Variants in DNAJC16 observed in about 807,000 individuals in gnomAD.
The protein encoded by DNAJC16 is dnaJ homolog subfamily C member 16.
A neutral mutation model predicts 92.7 loss-of-function variants in DNAJC16; 76 were observed. The observed-to-expected ratio is 0.82, with a 90% CI of 0.68 to 0.99. DNAJC16 has a LOEUF of 0.99. DNAJC16 is among the 50% of genes least tolerant of loss of function. The pLI is 0.00. For synonymous variants in DNAJC16, 328 were observed against 358.7 expected, an observed-to-expected ratio of 0.91 and a Z score of 0.97; for missense variants, 869 against 942.4, an observed-to-expected ratio of 0.92 and a Z score of 1.02.
At chr1:15,567,745 T>C (rs201779942) in intron 14 of DNAJC16, 33 bp from the exon 15 acceptor site, 31 of 1,579,626 alleles carry the variant, frequency 2.0e-5, no homozygotes, top group Non-Finnish European at 2.7e-5. Flanking sequence ...TGTCAGGAAA[T>C]GCCCTGAGTC....
chr1:15,528,161 G>A (rs946416384), intron 1 of DNAJC16, among the ~76,000 whole-genome samples: 1 of 152,200 alleles, frequency 6.6e-6, no homozygotes, highest in Admixed American at 6.5e-5. Context: ...TGGCCGGCGC[G>A]ATGGCTCACG....
rs371597930 is a variant in DNAJC16, at chr1:15,536,578, G to A, written c.338G>A (p.Arg113His). ...KQQQQREYRF[R>H]HFHENFYFDE... ...CAACAGCAGCGAGAGTATCGCTTCC[G>A]CCATTTCCATGAAAATTTTTATTTT... The change falls in exon 4 of 15, where the codon CGC (arginine) becomes CAC (histidine). Residue 113 changes from arginine (R) to histidine (H), a missense_variant. By Grantham distance (29) the Arg-to-His change is conservative (BLOSUM62 0). Coordinates refer to ENST00000375847, the MANE Select transcript of DNAJC16 (RefSeq NM_015291.4). The A allele has an allele frequency of 1.8e-5, 29 of 1,614,012 alleles. No homozygotes were observed. Among genetic ancestry groups the A allele is most frequent in the African/African-American group, 6.7e-5 (5 of 74,894 alleles).
At chr1:15,531,421 G>A (rs905666647) in intron 2 of DNAJC16, among the ~76,000 whole-genome samples, 1 of 152,180 alleles carries the variant, frequency 6.6e-6, no homozygotes, top group Non-Finnish European at 1.5e-5. Context: ...TCCTTCCAGG[G>A]ACTCTTTATA....
At chr1:15,535,149 CAAAGT>C (rs142620119) in intron 3 of DNAJC16, among the ~76,000 whole-genome samples, 1,738 of 152,240 alleles carry the variant, frequency 0.011, 37 homozygotes, top group African/African-American at 0.039. Flanking sequence ...TTTTGTAAAA[CAAAGT>C]AAATTAACAG....
intron 8 of DNAJC16, chr1:15,560,115 T>TA (rs1214190938): frequency 1.3e-5 from 2 of 151,200 alleles, no homozygotes; most frequent in Non-Finnish European, 2.9e-5. Context: ...GTAATCATAC[T>TA]AATATGATGT....
At chr1:15,538,443 C>T (rs898670720) in intron 4 of DNAJC16, among the ~76,000 whole-genome samples, 12 of 151,848 alleles carry the variant, frequency 7.9e-5, no homozygotes, top group Non-Finnish European at 1.3e-4. Context: ...CCTGGCCAGG[C>T]GCAGTGGCTC....
At chr1:15,544,365 A>G in intron 4 of DNAJC16, 34 bp from the exon 5 acceptor site, 1 of 1,579,938 alleles carries the variant, frequency 6.3e-7, no homozygotes, top group East Asian at 2.3e-5. Context: ...TGGAGACATA[A>G]AAAGGCTTCA....
Position 15,571,490 on chromosome 1 carries a change from A to C in DNAJC16, c.*3313A>C, listed in dbSNP as rs1315848033. ...ACAAGTGCAGTGTGGCAGCTGCTGA[A>C]TCTGTCTGTTCAGTTTGTCAAGGAG... On this transcript the variant is annotated 3_prime_UTR_variant, in exon 15 of 15. Transcript: ENST00000375847. 6.6e-6 allele frequency: 1 copy of C among 152,644 alleles called. No individual in the cohort carries two copies. The highest frequency in any genetic ancestry group is 1.5e-5 in the Non-Finnish European group (1 of 68,034). 9.5% of individuals were successfully genotyped at this position (152,644 alleles called of 1,614,324 possible). A position where few individuals can be genotyped will look rare whatever the true frequency, so the allele number is the denominator to read the frequency against.
At chr1:15,553,176 A>G (rs753562050) in intron 7 of DNAJC16, among the ~76,000 whole-genome samples, 19 of 150,574 alleles carry the variant, frequency 1.3e-4, no homozygotes, top group Admixed American at 3.3e-4. Flanking sequence ...TTTTTTTCTC[A>G]TAGTCTTTTG....
chr1:15,570,265 T>TA lies in DNAJC16; in HGVS notation c.*2088_*2089insA, dbSNP rs1473000396. 6.6e-6 allele frequency: 1 copy of TA among 152,270 alleles called. No homozygotes were observed. The highest frequency in any genetic ancestry group is 6.5e-5 in the Admixed American group (1 of 15,284). 9.4% of individuals were successfully genotyped at this position (152,270 alleles called of 1,614,324 possible). ...CTTTCTAGGTATTTTATGGCCAGAT[T>TA]GCTTATATGAGTGGTCTTTTGGTTT... On this transcript the variant is annotated 3_prime_UTR_variant, in exon 15 of 15. Coordinates refer to ENST00000375847, the MANE Select transcript of DNAJC16 (RefSeq NM_015291.4).
intron 4 of DNAJC16, among the ~76,000 whole-genome samples, chr1:15,541,311 A>G (rs1167870597): frequency 6.6e-6 from 1 of 152,028 alleles, no homozygotes; most frequent in Non-Finnish European, 1.5e-5. Flanking sequence ...GTATGCTTCC[A>G]TTTATTGACA....
Position 15,570,947 on chromosome 1 carries a change from C to T in DNAJC16, c.*2770C>T, listed in dbSNP as rs555659558. On this transcript the variant is annotated 3_prime_UTR_variant, in exon 15 of 15. Coordinates refer to ENST00000375847, the MANE Select transcript of DNAJC16 (RefSeq NM_015291.4). ...GTTCTTCTGGTTGATACAGACTATG[C>T]ATTGCGTTTAGCAGATGGGGTAAAA... The T allele has an allele frequency of 2.8e-4, 43 of 151,814 alleles. No homozygotes were observed. Among genetic ancestry groups the T allele is most frequent in the African/African-American group, 9.2e-4 (38 of 41,402 alleles). 9.4% of individuals were successfully genotyped at this position (151,814 alleles called of 1,614,324 possible). A position where few individuals can be genotyped will look rare whatever the true frequency, so the allele number is the denominator to read the frequency against.
chr1:15,539,344 C>T (rs1710876430), intron 4 of DNAJC16, among the ~76,000 whole-genome samples: 1 of 151,828 alleles, frequency 6.6e-6, no homozygotes, highest in African/African-American at 2.4e-5. Flanking sequence ...CTCCCAGGTT[C>T]ACACCGTTCT....
At chr1:15,531,619 T>C (rs974899730) in intron 2 of DNAJC16, among the ~76,000 whole-genome samples, 5 of 152,244 alleles carry the variant, frequency 3.3e-5, no homozygotes, top group African/African-American at 7.2e-5. Flanking sequence ...CTTTGACTTT[T>C]CTGTCTTCCA....
At chr1:15,542,011 C>A (rs998060517) in intron 4 of DNAJC16, among the ~76,000 whole-genome samples, 1 of 152,100 alleles carries the variant, frequency 6.6e-6, no homozygotes, top group Non-Finnish European at 1.5e-5. Context: ...TCTTAGTGGG[C>A]CCCTGTGTGG....
intron 13 of DNAJC16, 72 bp from the exon 14 acceptor site, chr1:15,567,027 G>C (rs968876090): frequency 2.8e-6 from 4 of 1,419,470 alleles, no homozygotes; most frequent in Non-Finnish European, 3.9e-6. Context: ...TTTTCTTTCA[G>C]CTGTTTCTTT....
intron 3 of DNAJC16, 41 bp downstream of exon 3, chr1:15,534,344 A>C (rs1710731883): frequency 1.2e-6 from 2 of 1,601,184 alleles, no homozygotes; most frequent in Non-Finnish European, 1.7e-6. Context: ...TAGCTCTTAC[A>C]AAATATGCCT....
intron 7 of DNAJC16, among the ~76,000 whole-genome samples, chr1:15,553,708 C>G (rs1638504674): frequency 1.3e-5 from 2 of 152,066 alleles, no homozygotes; most frequent in African/African-American, 4.8e-5. Flanking sequence ...CCCAGAAGGC[C>G]CCTCCCTCCC....
intron 7 of DNAJC16, among the ~76,000 whole-genome samples, chr1:15,549,337 C>A (rs1034569303): frequency 1.3e-5 from 2 of 152,166 alleles, no homozygotes. Context: ...AGCATACAGG[C>A]TGGGGATAGA....
Sources: allele counts gnomAD v4.1 joint callset (sites outside exome capture counted in the v4.1 genomes callset), GRCh38; gene constraint gnomAD v4.1.1; transcripts MANE v1.5; gene names NCBI Gene and HGNC (gene_info 2026-07-23, HGNC 2026-07-21).